The following LAMA5 variants were observed in gnomAD, a reference collection of about 807,000 sequenced individuals.
The protein encoded by LAMA5 is laminin subunit alpha 5, also known as laminin subunit alpha-5.
A neutral mutation model predicts 433.4 loss-of-function variants in LAMA5; 260 were observed. The ratio of observed to expected loss-of-function variants is 0.60; its 90% confidence interval spans 0.54 to 0.66. LAMA5 has a LOEUF of 0.66. LAMA5 is among the 30% of genes least tolerant of loss of function. The probability of loss-of-function intolerance (pLI) is 0.00; values close to 1 mark genes in which losing one functional copy is unlikely to be tolerated. For synonymous variants in LAMA5, 2,620 were observed against 2,226.6 expected, an observed-to-expected ratio of 1.18 and a Z score of -4.97; for missense variants, 5,378 against 5,258.5, an observed-to-expected ratio of 1.02 and a Z score of -0.70.
At chr20:62,322,486 C>G in intron 46 of LAMA5, 37 bp from the exon 47 acceptor site, 1 of 1,546,724 alleles carries the variant, frequency 6.5e-7, no homozygotes, top group South Asian at 1.2e-5. Flanking sequence ...GCCCAGCCCT[C>G]AAGACTGTCC....
intron 19 of LAMA5, 31 bp from the exon 20 acceptor site, chr20:62,335,157 C>A: frequency 6.2e-7 from 1 of 1,612,480 alleles, no homozygotes; most frequent in South Asian, 1.1e-5. Flanking sequence ...TGAAGTGGGG[C>A]AGGGGAGGGT....
rs1981348843 is a variant in LAMA5 at position 62,335,220 on chromosome 20, C to G, written c.2373G>C (p.Gln791His). The G allele has an allele frequency of 6.2e-7, 1 of 1,612,692 alleles. No individual in the cohort carries two copies. The highest frequency in any genetic ancestry group is 1.3e-5 in the African/African-American group (1 of 74,830). ...ACACCTTGGTCCTCAGACTCACCGGCTGGCACTCAGCAACTCCACCCAGTG... is the reference window on the plus strand; with the variant it reads ...ACACCTTGGTCCTCAGACTCACCGGGTGGCACTCAGCAACTCCACCCAGTG... ...RGTLGGVAEC[Q>H]PGTGQCFCKP... The change falls in exon 19 of 80, where the codon CAG becomes CAC. Residue 791 changes from glutamine (Q) to histidine (H), a missense_variant. By Grantham distance (24) the Gln-to-His change is conservative. Transcript: ENST00000252999.
rs1201881801 is a variant in LAMA5 at position 62,334,899 on chromosome 20, A to G, written c.2482+122T>C. ...CTGGCACAGGCTGGCACCAAGGGGC[A>G]GCCATCCATCACCCGGGCTTCATGC... On this transcript the variant is annotated intron_variant, in intron 20 of 79. Coordinates refer to ENST00000252999, the MANE Select transcript of LAMA5 (RefSeq NM_005560.6). 3.3e-6 allele frequency: 3 copies of G among 904,630 alleles called. No homozygotes were observed. In the East Asian group the frequency reaches 7.8e-5, roughly 23 times the overall value. 56.0% of individuals were successfully genotyped at this position (904,630 alleles called of 1,614,324 possible).
chr20:62,323,720 C>T (rs758925856), intron 44 of LAMA5, 50 bp from the exon 45 acceptor site: 6 of 1,593,562 alleles, frequency 3.8e-6, no homozygotes, highest in East Asian at 2.3e-5. Context: ...CGCCCACCCT[C>T]GCATATCCTG....
rs1329093222 is a variant in LAMA5 at position 62,355,709 on chromosome 20, G to C, written c.451-2458C>G. 2.6e-5 allele frequency among the ~76,000 whole-genome samples: 4 copies of C among 152,078 alleles called. No individual in the cohort carries two copies. The East Asian group carries it at 5.8e-4, about 22-fold the overall frequency. On this transcript the variant is annotated intron_variant, in intron 2 of 79. Coordinates refer to ENST00000252999, the MANE Select transcript of LAMA5 (RefSeq NM_005560.6). ...CAGGGAGGGGTATGAGCCTCTTCAG[G>C]GACAGACCCTATACCCAGCCCCACA...
chr20:62,322,805 CAGGGAGCCCCT>C, intron 45 of LAMA5, 47 bp from the exon 46 acceptor site: 2 of 1,279,668 alleles, frequency 1.6e-6, no homozygotes, highest in South Asian at 1.6e-5. Flanking sequence ...CTCACCCCCC[CAGGGAGCCCCT>C]AGGCACCCTC....
rs999235428 is a variant in LAMA5, at chr20:62,330,517, A to G, written c.3950T>C (p.Val1317Ala). 1.9e-6 allele frequency: 3 copies of G among 1,570,350 alleles called. No homozygotes were observed. Among genetic ancestry groups the G allele is most frequent in the Admixed American group, 3.8e-5 (2 of 52,462 alleles). ...QPAHPTFPVEVLINAGRVWQG... is the reference protein window; with the variant it reads ...QPAHPTFPVEALINAGRVWQG... ...CCACACGCGGCCGGCGTTGATGAGGACTTCCACGGGGAAGGTGGGGTGGGC... is the reference window on the plus strand; with the variant it reads ...CCACACGCGGCCGGCGTTGATGAGGGCTTCCACGGGGAAGGTGGGGTGGGC... The change falls in exon 31 of 80, where the codon GTC becomes GCC. Residue 1317 changes from valine to alanine, a missense_variant. Transcript: ENST00000252999.
intron 2 of LAMA5, among the ~76,000 whole-genome samples, chr20:62,354,207 C>T (rs1984802706): frequency 2.6e-5 from 4 of 152,104 alleles, no homozygotes; most frequent in Admixed American, 2.6e-4. Context: ...TCAGAGAAGC[C>T]TTCCCTGACT....
chr20:62,367,178 A>G lies in LAMA5; in HGVS notation c.68T>C (p.Leu23Pro). The G allele has an allele frequency of 9.7e-6, 12 of 1,235,948 alleles. No homozygotes were observed. The highest frequency in any genetic ancestry group is 1.2e-5 in the Non-Finnish European group (12 of 992,702). The allele number at this position is 1,235,948 out of a possible 1,614,324, so 76.6% of individuals were successfully genotyped here. Reference protein sequence around the residue: ...VRGPRGPAPLLLVGLALLGAA... With the variant: ...VRGPRGPAPLPLVGLALLGAA... ...GCCCAGCAGCGCCAGCCCGACCAGC[A>G]GCAGCGGCGCGGGGCCCCGGGGGCC... is the stretch of plus-strand genomic sequence containing the variant. Residue 23 changes from leucine to proline, a missense_variant, in exon 1 of 80, where the codon CTG (leucine) becomes CCG (proline). Physicochemically the swap from Leu to Pro is moderately conservative, Grantham distance 98. Transcript: ENST00000252999.
chr20:62,334,730 G>GGGC (rs1981213338), intron 20 of LAMA5, 109 bp from the exon 21 acceptor site: 1 of 610,700 alleles, frequency 1.6e-6, no homozygotes, highest in East Asian at 2.8e-5. Flanking sequence ...ATGATGGAGA[G>GGGC]TCAGGGCTCA....
In LAMA5 at chr20:62,313,197, G is replaced by C. The variant is rs1423030932; in HGVS notation, c.8846C>G (p.Thr2949Ser). ...WLTDGSYLDGTGFARISFDSQ... is the reference protein window; with the variant it reads ...WLTDGSYLDGSGFARISFDSQ... The stretch of plus-strand genomic sequence containing the variant: ...GTCGAAGCTGATGCGGGCGAAGCCG[G>C]TGCCGTCCAGGTAGGAGCCGTCCGT... Residue 2949 changes from threonine (T) to serine (S), a missense_variant, in exon 65 of 80, where the codon ACC becomes AGC. Coordinates refer to ENST00000252999, the MANE Select transcript of LAMA5 (RefSeq NM_005560.6). 2 of 1,564,458 alleles carry C rather than the reference G, an allele frequency of 1.3e-6. No homozygotes were observed. The highest frequency in any genetic ancestry group is 1.7e-6 in the Non-Finnish European group (2 of 1,159,534).
intron 48 of LAMA5, among the ~76,000 whole-genome samples, chr20:62,321,570 A>AGAGG (rs1360038781): frequency 1.0e-3 from 39 of 38,150 alleles, no homozygotes; most frequent in Non-Finnish European, 1.3e-3. Context: ...CAGTGGAGGC[A>AGAGG]GGGCCTGTGG....
At position 62,338,118 on chromosome 20, in the gene LAMA5, C is replaced by A. The variant is rs140700430; in HGVS notation, c.1789G>T (p.Glu597Ter). Residue 597 changes from glutamate (E) to a stop codon, truncating the protein, a stop_gained, in exon 14 of 80, where the codon GAG (glutamate) becomes TAG (stop). Coordinates refer to ENST00000252999, the MANE Select transcript of LAMA5 (RefSeq NM_005560.6). LOFTEE classifies it high-confidence loss of function. ...CAGCGGCCGGCCTCATCGCAGCCCTCGGGCAAGGTTCCTGCAGGGCTGCAG... is the reference window on the plus strand; with the variant it reads ...CAGCGGCCGGCCTCATCGCAGCCCTAGGGCAAGGTTCCTGCAGGGCTGCAG... ...CGCSPAGTLP[E>*]GCDEAGRCLC... is the part of the protein sequence containing the mutation. 1 of 1,595,620 alleles carries A rather than the reference C, an allele frequency of 6.3e-7. No homozygotes were observed. The highest frequency in any genetic ancestry group is 8.5e-7 in the Non-Finnish European group (1 of 1,170,296).
At chr20:62,356,438 A>T (rs1467169850) in intron 2 of LAMA5, 1 of 152,452 alleles carries the variant, frequency 6.6e-6, no homozygotes, top group Non-Finnish European at 1.5e-5. Context: ...GGTTCTGTGC[A>T]GAAAGAAAAA....
intron 11 of LAMA5, among the ~76,000 whole-genome samples, chr20:62,342,466 A>T (rs2146261463): frequency 6.6e-6 from 1 of 152,284 alleles, no homozygotes; most frequent in African/African-American, 2.4e-5. Context: ...TCATGAGGTC[A>T]GGAGATCGAG....
rs529100935 is a variant in LAMA5 at position 62,309,438 on chromosome 20, G to A, written c.10986C>T (p.Cys3662=). The change falls in exon 80 of 80, where the codon TGC becomes TGT. Residue 3662 remains cysteine (C), a synonymous_variant. Transcript: ENST00000252999. ...MAVQPWPPAY[C]GCMRRLAVNR... ...TCACCGCCAGCCTCCTCATGCAGCC[G>A]CAGTAGGCGGGGGGCCAGGGCTGCA... is the stretch of plus-strand genomic sequence containing the variant. 6.7e-5 allele frequency: 106 copies of A among 1,583,846 alleles called. No individual in the cohort carries two copies. The African/African-American group carries it at 7.5e-4, about 11-fold the overall frequency.
At chr20:62,321,645 T>TGGGGGA in intron 48 of LAMA5, among the ~76,000 whole-genome samples, 1 of 54,560 alleles carries the variant, frequency 1.8e-5, no homozygotes, top group East Asian at 6.1e-4. Context: ...GTGCAGCCAG[T>TGGGGGA]GGAAGAGGTG....
Position 62,337,715 on chromosome 20 carries a change from G to A in LAMA5, c.2039C>T (p.Ser680Phe). 6.2e-7 allele frequency: 1 copy of A among 1,609,708 alleles called. No homozygotes were observed. The highest frequency in any genetic ancestry group is 8.5e-7 in the Non-Finnish European group (1 of 1,177,870). ...GFPSCVPCHCSAEGSLHAACD... is the reference protein window; with the variant it reads ...GFPSCVPCHCFAEGSLHAACD... ...GGCTGCGTGCAGGGAGCCTTCAGCAGAGCAGTGGCAGGCTGCAGACAAGGA... is the reference window on the plus strand; with the variant it reads ...GGCTGCGTGCAGGGAGCCTTCAGCAAAGCAGTGGCAGGCTGCAGACAAGGA... Residue 680 changes from serine to phenylalanine, a missense_variant, in exon 16 of 80, where the codon TCT becomes TTT. Coordinates refer to ENST00000252999, the MANE Select transcript of LAMA5 (RefSeq NM_005560.6).
rs1416391120 is a variant in LAMA5, at chr20:62,311,906, G to A, written c.9635+14C>T. ...TCCAGACCTTCACGATGAGGGCCCA[G>A]CGGCCAGGCTCACCCCGTGGCATTG... is the stretch of plus-strand genomic sequence containing the variant. On this transcript the variant is annotated intron_variant, in intron 70 of 79. Transcript: ENST00000252999. 6.4e-7 allele frequency: 1 copy of A among 1,568,598 alleles called. No individual in the cohort carries two copies. The highest frequency in any genetic ancestry group is 8.7e-7 in the Non-Finnish European group (1 of 1,154,348).
Sources: allele counts gnomAD v4.1 joint callset (sites outside exome capture counted in the v4.1 genomes callset), GRCh38; gene constraint gnomAD v4.1.1; transcripts MANE v1.5; gene names NCBI Gene and HGNC (gene_info 2026-07-23, HGNC 2026-07-21).